Variants in ARHGEF6 observed in about 807,000 individuals in gnomAD.
ARHGEF6 encodes the protein Rac/Cdc42 guanine nucleotide exchange factor 6.
Under a neutral mutation model 70.3 loss-of-function variants are expected in ARHGEF6, and 9 were observed. The ratio of observed to expected loss-of-function variants is 0.13; its 90% confidence interval spans 0.08 to 0.22. ARHGEF6 has a LOEUF of 0.22. ARHGEF6 is among the 10% of genes least tolerant of loss of function. The pLI, the probability that ARHGEF6 is intolerant of heterozygous loss-of-function variation, is 1.00. For synonymous variants in ARHGEF6, 201 were observed against 207.8 expected, an observed-to-expected ratio of 0.97 and a Z score of 0.28; for missense variants, 470 against 563.0, an observed-to-expected ratio of 0.83 and a Z score of 1.67.
At chrX:136,762,650 C>T (rs1017031951) in intron 2 of ARHGEF6, among the ~76,000 whole-genome samples, 4 of 111,194 alleles carry the variant, frequency 3.6e-5, no homozygotes, top group Non-Finnish European at 7.6e-5. Context: ...TGCCACGATG[C>T]CTGGCTAATT....
intron 2 of ARHGEF6, among the ~76,000 whole-genome samples, chrX:136,772,945 T>G (rs925233007): frequency 8.9e-6 from 1 of 111,955 alleles, no homozygotes; most frequent in Non-Finnish European, 1.9e-5. Context: ...CGAGAGCACT[T>G]TGTTCCCAGA....
At chrX:136,708,005 G>C (rs2076643901) in intron 8 of ARHGEF6, among the ~76,000 whole-genome samples, 1 of 112,104 alleles carries the variant, frequency 8.9e-6, no homozygotes, top group Admixed American at 9.5e-5. Context: ...CTTTCTGTGT[G>C]TTTCAACTCT....
At chrX:136,737,994 C>T (rs2077003879) in intron 5 of ARHGEF6, among the ~76,000 whole-genome samples, 1 of 108,187 alleles carries the variant, frequency 9.2e-6, no homozygotes, top group Non-Finnish European at 1.9e-5. Flanking sequence ...GTTTTGTTTT[C>T]CCTGAACAAT....
chrX:136,743,533 C>A (rs2077065805), intron 5 of ARHGEF6, 52 bp downstream of exon 5: 7 of 1,139,428 alleles, frequency 6.1e-6, no homozygotes, highest in Non-Finnish European at 8.4e-6. Flanking sequence ...AGTAAGAATA[C>A]CAAGAAAGTA....
intron 9 of ARHGEF6, among the ~76,000 whole-genome samples, chrX:136,703,710 T>C (rs138531817): frequency 0.057 from 6,341 of 111,765 alleles, 472 homozygotes; most frequent in African/African-American, 0.19. Flanking sequence ...TTAGTAGAGA[T>C]GGGGTTTCTC....
chrX:136,722,238 G>C (rs1268218844), intron 6 of ARHGEF6, among the ~76,000 whole-genome samples: 1 of 111,672 alleles, frequency 9.0e-6, no homozygotes, highest in African/African-American at 3.3e-5. Flanking sequence ...AAAGTAAACA[G>C]AGGAGGAAAT....
chrX:136,775,153 A>G (rs994125700), intron 2 of ARHGEF6, among the ~76,000 whole-genome samples: 1 of 111,310 alleles, frequency 9.0e-6, no homozygotes, highest in Non-Finnish European at 1.9e-5. Context: ...TTCTAAAACT[A>G]TCCCAAAAGA....
chrX:136,703,276 A>G (rs59725558), intron 9 of ARHGEF6, among the ~76,000 whole-genome samples: 6,251 of 111,958 alleles, frequency 0.056, 452 homozygotes, highest in African/African-American at 0.19. Context: ...TGCTTCAGAG[A>G]ACACCATCAA....
intron 2 of ARHGEF6, chrX:136,767,297 C>T (rs2077325838): frequency 1.3e-6 from 1 of 754,712 alleles, no homozygotes; most frequent in Non-Finnish European, 1.6e-6. Flanking sequence ...TCAACCCAGC[C>T]GGAGCTGGGA....
At chrX:136,774,547 A>G (rs1277905619) in intron 2 of ARHGEF6, among the ~76,000 whole-genome samples, 1 of 106,082 alleles carries the variant, frequency 9.4e-6, no homozygotes, top group Non-Finnish European at 1.9e-5. Context: ...GCTACTTGAG[A>G]GGCTGAGGCA....
chrX:136,685,738 A>G lies in ARHGEF6; in HGVS notation c.1331T>C (p.Ile444Thr). 8.3e-7 allele frequency: 1 copy of G among 1,210,922 alleles called. No individual in the cohort carries two copies. Among genetic ancestry groups the G allele is most frequent in the Non-Finnish European group, 1.1e-6 (1 of 894,644 alleles). The change falls in exon 12 of 22, where the codon ATT becomes ACT. Residue 444 changes from isoleucine to threonine, a missense_variant. Ile to Thr is a moderately conservative substitution (Grantham distance 89). Transcript: ENST00000250617. ...EPIQAWEGED[I>T]KNLGNVIFMS... Reference sequence around the variant, plus strand: ...AAAAATCACATTTCCCAAGTTTTTAATATCTTCTCCTTCCCATGCCTGAAT... The same window carrying G: ...AAAAATCACATTTCCCAAGTTTTTAGTATCTTCTCCTTCCCATGCCTGAAT...
chrX:136,686,698 A>ATGTG (rs2076403633), intron 11 of ARHGEF6, among the ~76,000 whole-genome samples: 1 of 37,756 alleles, frequency 2.6e-5, no homozygotes, highest in Non-Finnish European at 4.5e-5. Flanking sequence ...ATATATACAC[A>ATGTG]TATATATATA....
intron 9 of ARHGEF6, among the ~76,000 whole-genome samples, chrX:136,700,972 CTG>C (rs964645666): frequency 8.9e-6 from 1 of 112,075 alleles, no homozygotes; most frequent in African/African-American, 3.2e-5. Flanking sequence ...ATAAAAAACA[CTG>C]TGACAGAAAT....
chrX:136,726,051 T>C (rs1232912502), intron 6 of ARHGEF6, among the ~76,000 whole-genome samples: 1 of 111,808 alleles, frequency 8.9e-6, no homozygotes, highest in African/African-American at 3.3e-5. Context: ...ATATCTCCAA[T>C]GATAAAGGAG....
chrX:136,695,737 T>C (rs1328990491), intron 9 of ARHGEF6, among the ~76,000 whole-genome samples: 1 of 112,419 alleles, frequency 8.9e-6, no homozygotes, highest in Non-Finnish European at 1.9e-5. Context: ...TGTAGATATG[T>C]AGAAAAGTAT....
chrX:136,706,879 C>A (rs1295978562), intron 9 of ARHGEF6, 29 bp downstream of exon 9: 2 of 1,210,707 alleles, frequency 1.7e-6, no homozygotes, highest in Non-Finnish European at 2.2e-6. Context: ...GATCTCATTG[C>A]AAAAGTTGGG....
At chrX:136,727,329 CTTTCTTTCT>C (rs1569410787) in intron 6 of ARHGEF6, among the ~76,000 whole-genome samples, 4 of 29,285 alleles carry the variant, frequency 1.4e-4, no homozygotes, top group African/African-American at 3.8e-4. Flanking sequence ...CTTTCTTTTT[CTTTCTTTCT>C]TTCTTTCTTT....
At chrX:136,779,744 T>C (rs2077432834) in intron 1 of ARHGEF6, among the ~76,000 whole-genome samples, 1 of 111,855 alleles carries the variant, frequency 8.9e-6, no homozygotes. Context: ...TCTCATGCCT[T>C]CTGTTCCAGT....
chrX:136,777,004 C>T (rs2077411110), intron 2 of ARHGEF6, among the ~76,000 whole-genome samples: 1 of 112,009 alleles, frequency 8.9e-6, no homozygotes, highest in African/African-American at 3.2e-5. Flanking sequence ...GCGGGCGGAT[C>T]ACCTGAGGTC....
Sources: allele counts gnomAD v4.1 joint callset (sites outside exome capture counted in the v4.1 genomes callset), GRCh38; gene constraint gnomAD v4.1.1; transcripts MANE v1.5; gene names NCBI Gene and HGNC (gene_info 2026-07-23, HGNC 2026-07-21).